Variants in RBFOX1 observed in about 807,000 individuals in gnomAD.
RBFOX1 encodes RNA binding fox-1 homolog 1, also known as RNA binding protein fox-1 homolog 1.
A neutral mutation model predicts 57.7 loss-of-function variants in RBFOX1; 8 were observed. That is an observed-to-expected ratio of 0.14 (90% CI 0.08 to 0.25). The LOEUF is 0.25. Ranked by LOEUF, RBFOX1 falls within the 10% of genes least tolerant of loss-of-function variation. The pLI is 1.00. For synonymous variants in RBFOX1, 326 were observed against 222.4 expected (o/e 1.47, Z -4.15); for missense variants, 611 against 548.5 (o/e 1.11, Z -1.14).
intron 9 of RBFOX1, among the ~76,000 whole-genome samples, chr16:7,606,178 A>G (rs1366485198): frequency 6.8e-6 from 1 of 146,392 alleles, no homozygotes; most frequent in Non-Finnish European, 1.5e-5. Flanking sequence ...CTGGAGTGCA[A>G]TGGCGTGATC....
chr16:7,605,923 C>A (rs1457542916), intron 9 of RBFOX1, among the ~76,000 whole-genome samples: 1 of 152,036 alleles, frequency 6.6e-6, no homozygotes, highest in South Asian at 2.1e-4. Flanking sequence ...ACTGCAACCT[C>A]TGACTCCCAG....
chr16:5,829,510 G>A (rs997380236), intron 3 of RBFOX1, among the ~76,000 whole-genome samples: 1 of 152,072 alleles, frequency 6.6e-6, no homozygotes, highest in African/African-American at 2.4e-5. Flanking sequence ...TTTTTATGGA[G>A]GCAGAACCCA....
At chr16:7,217,934 GTGCA>G (rs764014239) in intron 4 of RBFOX1, among the ~76,000 whole-genome samples, 1 of 151,336 alleles carries the variant, frequency 6.6e-6, no homozygotes, top group Non-Finnish European at 1.5e-5. Context: ...AGGTGTGTGC[GTGCA>G]TGTGTGTGTG....
chr16:6,337,938 A>G (rs2152820523), intron 2 of RBFOX1, among the ~76,000 whole-genome samples: 1 of 152,326 alleles, frequency 6.6e-6, no homozygotes, highest in Non-Finnish European at 1.5e-5. Flanking sequence ...AATGCATGCC[A>G]AATCACTAAG....
chr16:5,921,317 G>C (rs900085601), intron 4 of RBFOX1, among the ~76,000 whole-genome samples: 3 of 152,140 alleles, frequency 2.0e-5, no homozygotes, highest in Non-Finnish European at 4.4e-5. Context: ...ACTGGCTCAA[G>C]TGTTCACATC....
At chr16:7,317,198 G>T (rs2096460702) in intron 4 of RBFOX1, among the ~76,000 whole-genome samples, 1 of 152,086 alleles carries the variant, frequency 6.6e-6, no homozygotes, top group Non-Finnish European at 1.5e-5. Context: ...AAACGGCCAG[G>T]AGTAAAACGT....
intron 3 of RBFOX1, among the ~76,000 whole-genome samples, chr16:6,990,087 A>T (rs1035128840): frequency 1.3e-5 from 2 of 152,224 alleles, no homozygotes; most frequent in Admixed American, 1.3e-4. Flanking sequence ...AAGAGGTCAG[A>T]TACTGCTTGT....
At chr16:5,277,108 A>G (rs1234570524) in intron 1 of RBFOX1, among the ~76,000 whole-genome samples, 1 of 152,154 alleles carries the variant, frequency 6.6e-6, no homozygotes, top group African/African-American at 2.4e-5. Flanking sequence ...TATATATACC[A>G]TAGAATACTA....
At chr16:7,561,304 C>T (rs1350619699) in intron 5 of RBFOX1, among the ~76,000 whole-genome samples, 1 of 152,172 alleles carries the variant, frequency 6.6e-6, no homozygotes, top group Non-Finnish European at 1.5e-5. Flanking sequence ...GCTTATGATG[C>T]CCAACTATTC....
rs569168569 is a variant in RBFOX1 at position 6,127,423 on chromosome 16, A to G, written c.-127+107431A>G. On this transcript the variant is annotated intron_variant, in intron 1 of 15. Transcript: ENST00000550418. ...CTTTTAATTCAAGAAATGTTTGAGCATTATATGCCAAGCCCTGACGTAGGC... is the reference window on the plus strand; with the variant it reads ...CTTTTAATTCAAGAAATGTTTGAGCGTTATATGCCAAGCCCTGACGTAGGC... Among the ~76,000 whole-genome samples, 67 of 152,226 alleles carry G rather than the reference A, an allele frequency of 4.4e-4. 2 individuals are homozygous for G. In the South Asian group the frequency reaches 0.014, roughly 31 times the overall value.
intron 3 of RBFOX1, among the ~76,000 whole-genome samples, chr16:5,751,507 C>G (rs1348558553): frequency 2.0e-5 from 3 of 152,226 alleles, no homozygotes; most frequent in South Asian, 2.1e-4. Context: ...TGTTTTTGGT[C>G]TCAAATAGTT....
At chr16:5,402,286 A>C (rs1441733756) in intron 1 of RBFOX1, among the ~76,000 whole-genome samples, 1 of 152,184 alleles carries the variant, frequency 6.6e-6, no homozygotes, top group Admixed American at 6.5e-5. Context: ...CCTCGCCTCT[A>C]TCATGTTGCT....
At chr16:5,312,428 C>G (rs2064116375) in intron 1 of RBFOX1, among the ~76,000 whole-genome samples, 1 of 152,210 alleles carries the variant, frequency 6.6e-6, no homozygotes, top group African/African-American at 2.4e-5. Context: ...AAGTGATTCT[C>G]CTGCCTCAGC....
chr16:5,283,501 C>G (rs1160159281), intron 1 of RBFOX1, among the ~76,000 whole-genome samples: 1 of 152,114 alleles, frequency 6.6e-6, no homozygotes, highest in African/African-American at 2.4e-5. Flanking sequence ...GGTGTTATAC[C>G]CTACAAAGCC....
chr16:5,377,857 AAC>A (rs2066026808), intron 1 of RBFOX1, among the ~76,000 whole-genome samples: 1 of 151,770 alleles, frequency 6.6e-6, no homozygotes, highest in Non-Finnish European at 1.5e-5. Context: ...ACAAGTTTAA[AAC>A]ACAATCACAG....
intron 12 of RBFOX1, among the ~76,000 whole-genome samples, chr16:7,660,457 C>G (rs781765787): frequency 4.6e-5 from 7 of 152,186 alleles, no homozygotes; most frequent in Non-Finnish European, 5.9e-5. Context: ...GTGCCTCTTT[C>G]CCTGCATATC....
intron 2 of RBFOX1, among the ~76,000 whole-genome samples, chr16:6,516,201 G>A (rs1048381297): frequency 1.4e-4 from 21 of 152,088 alleles, no homozygotes; most frequent in Admixed American, 3.9e-4. Flanking sequence ...GCTAATACTT[G>A]TATTTTTAGT....
intron 2 of RBFOX1, among the ~76,000 whole-genome samples, chr16:6,489,958 G>A (rs2095594685): frequency 6.6e-6 from 1 of 152,196 alleles, no homozygotes; most frequent in African/African-American, 2.4e-5. Flanking sequence ...CTCCTAAGGT[G>A]TCTTCAAGAA....
At chr16:5,694,671 T>A (rs1222434967) in intron 3 of RBFOX1, among the ~76,000 whole-genome samples, 1 of 152,008 alleles carries the variant, frequency 6.6e-6, no homozygotes, top group East Asian at 1.9e-4. Flanking sequence ...TTGTTTCAAA[T>A]GATACCTCTT....
Sources: allele counts gnomAD v4.1 joint callset (sites outside exome capture counted in the v4.1 genomes callset), GRCh38; gene constraint gnomAD v4.1.1; transcripts MANE v1.5; gene names NCBI Gene and HGNC (gene_info 2026-07-23, HGNC 2026-07-21).